The following DLG2 variants were observed in gnomAD, a reference collection of about 807,000 sequenced individuals.
The protein encoded by DLG2 is discs large MAGUK scaffold protein 2, also known as disks large homolog 2.
A neutral mutation model predicts 132.5 loss-of-function variants in DLG2; 45 were observed. The ratio of observed to expected loss-of-function variants is 0.34; its 90% confidence interval spans 0.27 to 0.44. DLG2 has a LOEUF of 0.44. Among genes scored for constraint, DLG2 ranks in the 20% least tolerant of loss-of-function variants. DLG2 has a pLI of 1.00. For synonymous variants in DLG2, 424 were observed against 419.6 expected (o/e 1.01, Z -0.13); for missense variants, 1,045 against 1,196.9 (o/e 0.87, Z 1.87).
At chr11:84,338,080 T>C (rs1305781415) in intron 7 of DLG2, among the ~76,000 whole-genome samples, 1 of 151,926 alleles carries the variant, frequency 6.6e-6, no homozygotes, top group East Asian at 1.9e-4. Flanking sequence ...TACAACTTGG[T>C]ACCAAAAAAA....
chr11:84,465,821 T>G (rs1038974229), intron 7 of DLG2, among the ~76,000 whole-genome samples: 5 of 151,288 alleles, frequency 3.3e-5, no homozygotes, highest in Admixed American at 6.6e-5. Flanking sequence ...AAATGTATAC[T>G]TAAATCCTAC....
At chr11:83,703,493 T>C (rs1210270506) in intron 18 of DLG2, among the ~76,000 whole-genome samples, 1 of 151,956 alleles carries the variant, frequency 6.6e-6, no homozygotes, top group Non-Finnish European at 1.5e-5. Context: ...CTACTAAAAA[T>C]ACAACATTAG....
chr11:84,743,927 T>A lies in DLG2; in HGVS notation c.358-209196A>T, dbSNP rs182609476. Reference sequence around the variant, plus strand: ...TTTTAGTACAGATGGGGTTTCACCATCTTGGCCAGGCTGGTCTTGAACTCC... The same window carrying A: ...TTTTAGTACAGATGGGGTTTCACCAACTTGGCCAGGCTGGTCTTGAACTCC... On this transcript the variant is annotated intron_variant, in intron 6 of 27. Coordinates refer to ENST00000376104, the MANE Select transcript of DLG2 (RefSeq NM_001142699.3). 1.7e-3 allele frequency among the ~76,000 whole-genome samples: 262 copies of A among 152,178 alleles called. 1 individual carries two copies. The highest frequency in any genetic ancestry group is 5.8e-3 in the African/African-American group (243 of 41,552).
At chr11:83,790,717 A>AC in intron 17 of DLG2, 1 of 787,378 alleles carries the variant, frequency 1.3e-6, no homozygotes, top group Non-Finnish European at 2.3e-6. Flanking sequence ...CCAGTCAACA[A>AC]CCCATTCATG....
intron 5 of DLG2, among the ~76,000 whole-genome samples, chr11:85,135,437 G>A (rs572451721): frequency 1.4e-4 from 21 of 152,314 alleles, no homozygotes; most frequent in Admixed American, 9.1e-4. Flanking sequence ...TTTTCACAAG[G>A]TATCCTGGAA....
At chr11:84,468,951 A>C (rs1340716644) in intron 7 of DLG2, among the ~76,000 whole-genome samples, 5 of 151,486 alleles carry the variant, frequency 3.3e-5, no homozygotes, top group Admixed American at 2.0e-4. Flanking sequence ...TTCCTAGTTC[A>C]CCTCCAAGCA....
chr11:84,696,061 G>C (rs1270723286), intron 6 of DLG2, among the ~76,000 whole-genome samples: 1 of 151,514 alleles, frequency 6.6e-6, no homozygotes, highest in Non-Finnish European at 1.5e-5. Context: ...TCCAAAGTAA[G>C]ATGGAGAGAA....
intron 15 of DLG2, among the ~76,000 whole-genome samples, chr11:83,883,437 T>A (rs7112497): frequency 6.6e-6 from 1 of 151,914 alleles, no homozygotes; most frequent in Non-Finnish European, 1.5e-5. Flanking sequence ...TTCTTTAAAT[T>A]TAGGTAAGAA....
intron 7 of DLG2, among the ~76,000 whole-genome samples, chr11:84,266,431 T>C (rs1332114670): frequency 1.3e-5 from 2 of 152,346 alleles, no homozygotes; most frequent in East Asian, 1.9e-4. Flanking sequence ...AGATTAAGTG[T>C]CATCTTTATT....
At chr11:85,154,831 A>G (rs2077487950) in intron 4 of DLG2, among the ~76,000 whole-genome samples, 180 bp from the exon 5 acceptor site, 1 of 152,256 alleles carries the variant, frequency 6.6e-6, no homozygotes. Flanking sequence ...TCCCAAAGAG[A>G]AAACATAAAA....
chr11:85,408,062 C>T (rs990578901), intron 3 of DLG2, among the ~76,000 whole-genome samples: 9 of 151,218 alleles, frequency 6.0e-5, no homozygotes, highest in Non-Finnish European at 1.0e-4. Context: ...GTATTTATTT[C>T]TCAATAACAA....
chr11:84,608,284 A>C (rs761746921), intron 6 of DLG2, among the ~76,000 whole-genome samples: 3 of 152,130 alleles, frequency 2.0e-5, no homozygotes, highest in Non-Finnish European at 2.9e-5. Flanking sequence ...AAATAAACAC[A>C]ATCATATCTG....
intron 7 of DLG2, among the ~76,000 whole-genome samples, chr11:84,328,920 A>G (rs2098445956): frequency 6.6e-6 from 1 of 152,164 alleles, no homozygotes; most frequent in Non-Finnish European, 1.5e-5. Context: ...TATTCAATAT[A>G]TGTTTACTGA....
intron 16 of DLG2, among the ~76,000 whole-genome samples, chr11:83,841,050 T>C (rs1203639466): frequency 6.6e-6 from 1 of 152,228 alleles, no homozygotes; most frequent in East Asian, 1.9e-4. Flanking sequence ...TGCATACTGC[T>C]GAGGCTAATG....
intron 6 of DLG2, among the ~76,000 whole-genome samples, chr11:84,755,702 C>T (rs992577982): frequency 6.6e-6 from 1 of 152,222 alleles, no homozygotes; most frequent in African/African-American, 2.4e-5. Flanking sequence ...GGATTACAGG[C>T]ATGAGCTACC....
chr11:84,743,676 T>C (rs2064982950), intron 6 of DLG2, among the ~76,000 whole-genome samples: 1 of 152,116 alleles, frequency 6.6e-6, no homozygotes, highest in Non-Finnish European at 1.5e-5. Flanking sequence ...TATGGATAAG[T>C]CTGGATGAGT....
intron 8 of DLG2, among the ~76,000 whole-genome samples, chr11:84,241,504 A>G (rs1340139948): frequency 6.6e-6 from 1 of 152,064 alleles, no homozygotes; most frequent in African/African-American, 2.4e-5. Context: ...GTTTAACAAC[A>G]TGTGCTTTTC....
At chr11:84,510,940 C>A (rs572476454) in intron 7 of DLG2, among the ~76,000 whole-genome samples, 1 of 151,978 alleles carries the variant, frequency 6.6e-6, no homozygotes, top group East Asian at 1.9e-4. Context: ...GAGGAGGGCT[C>A]CAAAGCCGAA....
rs1438054849 is a variant in DLG2, at chr11:84,110,216, G to A, written c.625-11169C>T. 7.9e-5 allele frequency among the ~76,000 whole-genome samples: 12 copies of A among 152,190 alleles called. No homozygotes were observed. In the South Asian group the frequency reaches 2.5e-3, roughly 32 times the overall value. The stretch of plus-strand genomic sequence containing the variant: ...TGTGAGTTAATGACAACTGATCTTC[G>A]TATTGGAAACAAAACAGAAGTGCGG... On this transcript the variant is annotated intron_variant, in intron 9 of 27. Coordinates refer to ENST00000376104, the MANE Select transcript of DLG2 (RefSeq NM_001142699.3).
Sources: allele counts gnomAD v4.1 joint callset (sites outside exome capture counted in the v4.1 genomes callset), GRCh38; gene constraint gnomAD v4.1.1; transcripts MANE v1.5; gene names NCBI Gene and HGNC (gene_info 2026-07-23, HGNC 2026-07-21).